Variants in RAB10 observed in about 807,000 individuals in gnomAD.
The protein encoded by RAB10 is RAB10, member RAS oncogene family, also known as ras-related protein Rab-10.
In RAB10, 5 loss-of-function variants were observed where a neutral mutation model predicts 25.7. The ratio of observed to expected loss-of-function variants is 0.19; its 90% CI spans 0.10 to 0.41. RAB10 has a LOEUF of 0.41. Among genes scored for constraint, RAB10 ranks in the 10% least tolerant of loss-of-function variants. The pLI, the probability that RAB10 is intolerant of heterozygous loss-of-function variation, is 1.00. For missense variants in RAB10, 103 were observed against 245.8 expected (o/e 0.42, Z 3.89); for synonymous variants, 89 against 86.4 (o/e 1.03, Z -0.16).
chr2:26,034,882 C>T (rs1335819672), intron 1 of RAB10, 147 bp downstream of exon 1: 19 of 1,246,514 alleles, frequency 1.5e-5, no homozygotes, highest in Non-Finnish European at 2.0e-5. Context: ...GAATCGGCAT[C>T]GAGCTTACTG....
chr2:26,110,980 G>A (rs557753707), intron 3 of RAB10, among the ~76,000 whole-genome samples: 8 of 152,238 alleles, frequency 5.3e-5, no homozygotes, highest in Admixed American at 4.6e-4. Context: ...TGCTAGGATT[G>A]CAGGCATGAG....
intron 3 of RAB10, among the ~76,000 whole-genome samples, chr2:26,120,473 C>T (rs1337098194): frequency 6.6e-6 from 1 of 152,240 alleles, no homozygotes; most frequent in African/African-American, 2.4e-5. Context: ...ATTTTAGGAG[C>T]ACCTGGTATA....
chr2:26,090,373 CTA>C (rs548850120), intron 1 of RAB10, among the ~76,000 whole-genome samples: 3 of 151,276 alleles, frequency 2.0e-5, no homozygotes, highest in Non-Finnish European at 4.4e-5. Flanking sequence ...CTTTTATAAA[CTA>C]TTTCTGGTAT....
At chr2:26,102,388 G>A (rs1350915241) in intron 2 of RAB10, among the ~76,000 whole-genome samples, 2 of 150,526 alleles carry the variant, frequency 1.3e-5, no homozygotes, top group African/African-American at 2.4e-5. Context: ...TATATTTTGA[G>A]ATGAAATGAG....
At chr2:26,096,788 A>G (rs144588395) in intron 1 of RAB10, among the ~76,000 whole-genome samples, 3 of 152,244 alleles carry the variant, frequency 2.0e-5, no homozygotes, top group East Asian at 3.9e-4. Context: ...ACAAATTTTG[A>G]TATTCTCATT....
chr2:26,126,728 G>C (rs1239306263), intron 3 of RAB10, among the ~76,000 whole-genome samples: 1 of 152,152 alleles, frequency 6.6e-6, no homozygotes, highest in Non-Finnish European at 1.5e-5. Flanking sequence ...GGACCTCCTT[G>C]TGCCATAGCA....
At chr2:26,110,366 G>A (rs892384172) in intron 3 of RAB10, among the ~76,000 whole-genome samples, 3 of 148,096 alleles carry the variant, frequency 2.0e-5, no homozygotes, top group African/African-American at 5.0e-5. Context: ...AGTTAATGTT[G>A]TTATTTGCTA....
rs1039569916 is a variant in RAB10 at position 26,034,330 on chromosome 2, G to A, written c.-279G>A. 7.0e-6 allele frequency: 4 copies of A among 567,490 alleles called. No individual in the cohort carries two copies. Among genetic ancestry groups the A allele is most frequent in the Non-Finnish European group, 3.1e-6 (1 of 318,120 alleles). The allele number at this position is 567,490 out of a possible 1,614,324, so 35.2% of individuals were successfully genotyped here. On this transcript the variant is annotated 5_prime_UTR_variant, in exon 1 of 6. Transcript: ENST00000264710. ...AGCGTCCCGGCCGAGAAGCCCTGAG[G>A]GGGGAGGGGAGGCCATTTTGTCCCG...
chr2:26,070,418 A>G (rs1003066292), intron 1 of RAB10, among the ~76,000 whole-genome samples: 1 of 152,204 alleles, frequency 6.6e-6, no homozygotes, highest in Non-Finnish European at 1.5e-5. Flanking sequence ...TAAAGTGACT[A>G]TCTTTTTGAA....
At position 26,034,354 on chromosome 2, in the gene RAB10, C is replaced by G. The variant is rs949217825; in HGVS notation, c.-255C>G. ...GGGGGGAGGGGAGGCCATTTTGTCC[C>G]GACCGACTCCCCGGAACCGGGCGGA... is the stretch of plus-strand genomic sequence containing the variant. On this transcript the variant is annotated 5_prime_UTR_variant, in exon 1 of 6. Coordinates refer to ENST00000264710, the MANE Select transcript of RAB10 (RefSeq NM_016131.5). The G allele has an allele frequency of 1.7e-6, 1 of 583,878 alleles. No individual in the cohort carries two copies. Among genetic ancestry groups the G allele is most frequent in the Non-Finnish European group, 3.0e-6 (1 of 328,070 alleles). The allele number at this position is 583,878 out of a possible 1,614,324, so 36.2% of individuals were successfully genotyped here.
intron 2 of RAB10, among the ~76,000 whole-genome samples, chr2:26,107,447 A>G (rs906531268): frequency 2.0e-5 from 3 of 152,208 alleles, no homozygotes; most frequent in African/African-American, 7.2e-5. Context: ...TGTATCTGAC[A>G]AAGGACTTCT....
intron 2 of RAB10, among the ~76,000 whole-genome samples, chr2:26,104,181 C>T (rs184608745): frequency 1.3e-4 from 20 of 152,318 alleles, no homozygotes; most frequent in Non-Finnish European, 1.8e-4. Flanking sequence ...ATGGCTGCAT[C>T]ATTTTACATT....
chr2:26,057,734 C>G (rs997638833), intron 1 of RAB10, among the ~76,000 whole-genome samples: 2 of 151,882 alleles, frequency 1.3e-5, no homozygotes, highest in African/African-American at 2.4e-5. Context: ...GTGATTCTCT[C>G]ACCTCTGCGT....
chr2:26,133,920 C>T (rs957355578), intron 5 of RAB10, among the ~76,000 whole-genome samples: 2 of 152,256 alleles, frequency 1.3e-5, no homozygotes, highest in East Asian at 1.9e-4. Flanking sequence ...GTGATCCACC[C>T]GCCTCGGCCT....
At chr2:26,033,544 G>C (rs895941751), upstream of RAB10, among the ~76,000 whole-genome samples, 1 of 152,242 alleles carries the variant, frequency 6.6e-6, no homozygotes, top group African/African-American at 2.4e-5. Flanking sequence ...CACGCCGGGA[G>C]GCGTCTCGTT....
At chr2:26,116,340 T>A (rs534492254) in intron 3 of RAB10, among the ~76,000 whole-genome samples, 1 of 152,078 alleles carries the variant, frequency 6.6e-6, no homozygotes, top group Admixed American at 6.6e-5. Flanking sequence ...TAATATACAT[T>A]TTTTTCAACT....
rs1354076868 is a variant in RAB10 at position 26,068,532 on chromosome 2, G to GT, written c.128-30129dup. Among the ~76,000 whole-genome samples, 4 of 152,226 alleles carry GT rather than the reference G, an allele frequency of 2.6e-5. No homozygotes were observed. In the East Asian group the frequency reaches 7.7e-4, roughly 29 times the overall value. On this transcript the variant is annotated intron_variant, in intron 1 of 5. Coordinates refer to ENST00000264710, the MANE Select transcript of RAB10 (RefSeq NM_016131.5). ...TATGTGAAAATACCTGTCAGTGACT[G>GT]TGACAGTGAGCCTTTAATTTTTTTT...
chr2:26,112,817 A>G (rs1559596526), intron 3 of RAB10, among the ~76,000 whole-genome samples: 1 of 152,222 alleles, frequency 6.6e-6, no homozygotes, highest in Non-Finnish European at 1.5e-5. Context: ...GCAGTGGCTC[A>G]TGCCTGTAAT....
chr2:26,107,117 G>A (rs1000516832), intron 2 of RAB10, among the ~76,000 whole-genome samples: 3 of 151,644 alleles, frequency 2.0e-5, no homozygotes, highest in African/African-American at 4.8e-5. Flanking sequence ...GTGGTGGCAC[G>A]TGCCTGTAAT....
Sources: allele counts gnomAD v4.1 joint callset (sites outside exome capture counted in the v4.1 genomes callset), GRCh38; gene constraint gnomAD v4.1.1; transcripts MANE v1.5; gene names NCBI Gene and HGNC (gene_info 2026-07-23, HGNC 2026-07-21).